The following NHP2 variants were observed in gnomAD, a reference collection of about 807,000 sequenced individuals.
NHP2 encodes NHP2 ribonucleoprotein.
NHP2 carries 10 observed loss-of-function variants against 16.7 expected under a neutral mutation model. That is an observed-to-expected ratio of 0.60 (90% CI 0.37 to 1.01). The LOEUF is 1.01. NHP2 is among the 50% of genes least tolerant of loss of function. NHP2 has a pLI of 0.01. For missense variants in NHP2, 184 were observed against 198.3 expected (o/e 0.93, Z 0.43); for synonymous variants, 87 against 78.9 (o/e 1.10, Z -0.54).
upstream of NHP2, chr5:178,153,885 TC>T (rs2113477406): frequency 8.6e-6 from 13 of 1,514,148 alleles, no homozygotes; most frequent in South Asian, 4.8e-5. Flanking sequence ...AGGCATCACT[TC>T]CAGGTCATCA....
At position 178,153,508 on chromosome 5, in the gene NHP2, G is replaced by A. The variant is rs575702154; in HGVS notation, c.213C>T (p.Val71=). Reference sequence around the variant, plus strand: ...GTTCTTACCCTTTTTCTCCTTTGTTGACAAATTTCTGAACCTCTTTCACCC... The same window carrying A: ...GTTCTTACCCTTTTTCTCCTTTGTTAACAAATTTCTGAACCTCTTTCACCC... ...RRGVKEVQKF[V]NKGEKGIMVL... is the part of the protein sequence containing the mutation. The change falls in exon 2 of 4, where the codon GTC becomes GTT. Residue 71 remains valine (V), a synonymous_variant. Coordinates refer to ENST00000274606, the MANE Select transcript of NHP2 (RefSeq NM_017838.4). 1 of 1,614,170 alleles carries A rather than the reference G, an allele frequency of 6.2e-7. No individual in the cohort carries two copies. Among genetic ancestry groups the A allele is most frequent in the East Asian group, 2.2e-5 (1 of 44,874 alleles).
chr5:178,150,308 G>A, intron 3 of NHP2: 2 of 223,686 alleles, frequency 8.9e-6, no homozygotes, highest in South Asian at 1.2e-4. Flanking sequence ...CAAACGGTAA[G>A]TTCCTTCAGA....
intron 3 of NHP2, 197 bp from the exon 4 acceptor site, chr5:178,150,035 G>A (rs1756226136): frequency 5.6e-6 from 3 of 535,040 alleles, no homozygotes; most frequent in Non-Finnish European, 9.9e-6. Context: ...CAGCCACACA[G>A]GGCCTACATT....
At chr5:178,150,605 ACTC>A (rs1241247311) in intron 3 of NHP2, 12 of 569,992 alleles carry the variant, frequency 2.1e-5, no homozygotes, top group African/African-American at 3.7e-5. Context: ...TTATTCCTGA[ACTC>A]CTGTCCTCAA....
At position 178,153,472 on chromosome 5, in the gene NHP2, G is replaced by C. The variant is rs1244247196; in HGVS notation, c.230+19C>G. On this transcript the variant is annotated intron_variant, in intron 2 of 3. Transcript: ENST00000274606. ...TTAACGTTTAGAAATGCAAAATCCA[G>C]AGGAAGGAAGGTTCTTACCCTTTTT... is the stretch of plus-strand genomic sequence containing the variant. The C allele has an allele frequency of 6.2e-7, 1 of 1,613,336 alleles. No homozygotes were observed. The highest frequency in any genetic ancestry group is 1.7e-5 in the Admixed American group (1 of 60,004).
chr5:178,151,652 C>T (rs1249247832), intron 2 of NHP2, among the ~76,000 whole-genome samples: 5 of 152,164 alleles, frequency 3.3e-5, no homozygotes. Context: ...GGCTCCCCTT[C>T]TGTTAAGCGC....
At chr5:178,151,294 C>T (rs1006851839) in intron 2 of NHP2, among the ~76,000 whole-genome samples, 1 of 152,178 alleles carries the variant, frequency 6.6e-6, no homozygotes, top group Admixed American at 6.5e-5. Flanking sequence ...GTGTGGCAGG[C>T]AGCCCACGGA....
At chr5:178,150,382 CTAT>C in intron 3 of NHP2, 1 of 258,316 alleles carries the variant, frequency 3.9e-6, no homozygotes, top group Non-Finnish European at 7.5e-6. Context: ...CCCCCAGCCT[CTAT>C]TTTTTTTTTT....
At position 178,153,881 on chromosome 5, in the gene NHP2, C is replaced by A; in HGVS notation, c.-64G>T. ...CCACGCGGTCCACAGCTTTAGGCAT[C>A]ACTTCCAGGTCATCAGCTGCGCGAG... On this transcript the variant is annotated 5_prime_UTR_variant, in exon 1 of 4. Transcript: ENST00000274606. 6.5e-7 allele frequency: 1 copy of A among 1,534,936 alleles called. No individual in the cohort carries two copies. The highest frequency in any genetic ancestry group is 8.8e-7 in the Non-Finnish European group (1 of 1,131,804).
rs563885344 is a variant in NHP2 at position 178,149,743 on chromosome 5, C to A, written c.432G>T (p.Glu144Asp). 1 of 1,614,104 alleles carries A rather than the reference C, an allele frequency of 6.2e-7. No individual in the cohort carries two copies. The highest frequency in any genetic ancestry group is 1.1e-5 in the South Asian group (1 of 91,076). Residue 144 changes from glutamate (E) to aspartate (D), a missense_variant, in exon 4 of 4, where the codon GAG becomes GAT. Transcript: ENST00000274606. ...EYQEAYDECL[E>D]EVQSLPLPL ...GGGGTAGGGGCAGGGACTGCACCTC[C>A]TCCAGGCACTCATCGTAAGCCTCCT...
At chr5:178,151,029 C>T (rs768559252) in intron 2 of NHP2, 36 bp from the exon 3 acceptor site, 3 of 1,557,446 alleles carry the variant, frequency 1.9e-6, no homozygotes, top group South Asian at 1.1e-5. Context: ...CTCTGGCTTG[C>T]TCCTTCCTTC....
chr5:178,153,598 G>A, intron 1 of NHP2, 38 bp from the exon 2 acceptor site: 1 of 1,613,820 alleles, frequency 6.2e-7, no homozygotes, highest in Non-Finnish European at 8.5e-7. Flanking sequence ...GCCTCGCTCA[G>A]CCACCCGCGC....
intron 2 of NHP2, 163 bp downstream of exon 2, chr5:178,153,328 T>C: frequency 1.4e-6 from 1 of 730,802 alleles, no homozygotes; most frequent in Non-Finnish European, 2.5e-6. Flanking sequence ...GGTGTACCGG[T>C]ATTGTCGTAC....
In NHP2 at chr5:178,149,581, TGCC is replaced by T. The variant is rs1756205558; in HGVS notation, c.*129_*131del. ...ACCTTCATGAAAGGGCTGTTAGAGC[TGCC>T]TGGGAAGAAGGCGTGCCTTGGGGAA... On this transcript the variant is annotated 3_prime_UTR_variant, in exon 4 of 4. Transcript: ENST00000274606. 5.2e-6 allele frequency: 6 copies of T among 1,160,814 alleles called. No homozygotes were observed. In the African/African-American group the frequency reaches 9.1e-5, roughly 18 times the overall value. 71.9% of individuals were successfully genotyped at this position (1,160,814 alleles called of 1,614,324 possible). A position where few individuals can be genotyped will look rare whatever the true frequency, so the allele number is the denominator to read the frequency against.
chr5:178,153,787 G>T lies in NHP2; in HGVS notation c.31C>A (p.Pro11Thr). The stretch of plus-strand genomic sequence containing the variant: ...GAACACGCCTCCGCCTGAGCCTCGG[G>T]CCCGTCGGGATCTGCCTTTATTTTG... MTKIKADPDG[P>T]EAQAEACSGE... Residue 11 changes from proline to threonine, a missense_variant, in exon 1 of 4, where the codon CCC becomes ACC. Physicochemically the swap from Pro to Thr is conservative, Grantham distance 38 (BLOSUM62 -1). Transcript: ENST00000274606. The T allele has an allele frequency of 3.1e-6, 5 of 1,612,056 alleles. No homozygotes were observed. The highest frequency in any genetic ancestry group is 4.2e-6 in the Non-Finnish European group (5 of 1,179,204).
At chr5:178,151,301 C>T (rs997189002) in intron 2 of NHP2, among the ~76,000 whole-genome samples, 15 of 152,138 alleles carry the variant, frequency 9.9e-5, no homozygotes, top group Admixed American at 4.6e-4. Context: ...AGGCAGCCCA[C>T]GGAGGGGCTG....
Position 178,153,782 on chromosome 5 carries a change from C to T in NHP2, c.36G>A (p.Glu12=). ...TKIKADPDGP[E]AQAEACSGER... is the part of the protein sequence containing the mutation. ...CCCCGGAACACGCCTCCGCCTGAGC[C>T]TCGGGCCCGTCGGGATCTGCCTTTA... Residue 12 remains glutamate (E), a synonymous_variant, in exon 1 of 4, where the codon GAG becomes GAA. Coordinates refer to ENST00000274606, the MANE Select transcript of NHP2 (RefSeq NM_017838.4). 6.2e-7 allele frequency: 1 copy of T among 1,612,516 alleles called. No homozygotes were observed. Among genetic ancestry groups the T allele is most frequent in the Non-Finnish European group, 8.5e-7 (1 of 1,179,360 alleles).
chr5:178,150,862 A>G (rs948582846), intron 3 of NHP2, 26 bp downstream of exon 3: 4 of 1,457,962 alleles, frequency 2.7e-6, no homozygotes, highest in Non-Finnish European at 2.9e-6. Flanking sequence ...GTGCTGAGCA[A>G]GGTCAGGGGG....
intron 3 of NHP2, chr5:178,150,619 C>A (rs905152856): frequency 1.9e-5 from 12 of 619,734 alleles, no homozygotes; most frequent in Middle Eastern, 2.7e-4. Context: ...CTGTCCTCAA[C>A]TGATCCTCCT....
Sources: gnomAD v4.1 joint callset for allele counts (sites outside exome capture counted in the v4.1 genomes callset) on GRCh38, gnomAD v4.1.1 for gene constraint, MANE v1.5 for transcripts, NCBI Gene and HGNC (gene_info 2026-07-23, HGNC 2026-07-21) for gene names.